The following GRID2 variants were observed in gnomAD, a reference collection of about 807,000 sequenced individuals.
GRID2 encodes the protein glutamate ionotropic receptor delta type subunit 2, also known as glutamate receptor ionotropic, delta-2.
A neutral mutation model predicts 114.8 loss-of-function variants in GRID2; 33 were observed. The observed-to-expected ratio is 0.29, with a 90% CI of 0.22 to 0.38. The LOEUF (loss-of-function observed/expected upper bound fraction) is 0.38, where lower values mean the gene tolerates loss of function less well. Among genes scored for constraint, GRID2 ranks in the 10% least tolerant of loss-of-function variants. GRID2 has a pLI of 1.00. For synonymous variants in GRID2, 505 were observed against 449.9 expected, an observed-to-expected ratio of 1.12 and a Z score of -1.55; for missense variants, 1,184 against 1,257.7, an observed-to-expected ratio of 0.94 and a Z score of 0.89.
At chr4:92,948,672 AT>A (rs1264376325) in intron 2 of GRID2, among the ~76,000 whole-genome samples, 1 of 151,896 alleles carries the variant, frequency 6.6e-6, no homozygotes. Context: ...AACGTTCTTA[AT>A]TTTTTAGGGA....
At chr4:93,769,147 G>T (rs1192646689) in intron 14 of GRID2, 63 bp from the exon 15 acceptor site, 3 of 1,534,152 alleles carry the variant, frequency 2.0e-6, no homozygotes, top group East Asian at 4.5e-5. Flanking sequence ...ATAAATGGAT[G>T]TGTTGTGAAC....
chr4:93,330,625 C>T (rs935107694), intron 8 of GRID2, among the ~76,000 whole-genome samples: 17 of 151,988 alleles, frequency 1.1e-4, no homozygotes. Flanking sequence ...CAGTTCTACC[C>T]TACTCTTCAA....
chr4:92,746,084 T>C (rs1265433919), intron 2 of GRID2, among the ~76,000 whole-genome samples: 1 of 152,126 alleles, frequency 6.6e-6, no homozygotes, highest in Non-Finnish European at 1.5e-5. Flanking sequence ...AGATCTAGTG[T>C]TTAGGTAGTA....
At chr4:92,772,411 G>A (rs963034467) in intron 2 of GRID2, among the ~76,000 whole-genome samples, 1 of 151,928 alleles carries the variant, frequency 6.6e-6, no homozygotes, top group South Asian at 2.1e-4. Flanking sequence ...TCTTCCTGCA[G>A]TTTATGGCGT....
chr4:93,416,601 G>C (rs533915610), intron 9 of GRID2, among the ~76,000 whole-genome samples: 1 of 152,114 alleles, frequency 6.6e-6, no homozygotes, highest in East Asian at 1.9e-4. Flanking sequence ...CTTGTAGCTT[G>C]TACCTATCAA....
At chr4:93,055,904 A>G (rs571116108) in intron 2 of GRID2, among the ~76,000 whole-genome samples, 1 of 152,046 alleles carries the variant, frequency 6.6e-6, no homozygotes, top group East Asian at 1.9e-4. Context: ...CCTTTCCAAT[A>G]GTATTATGAA....
At chr4:93,136,986 A>G (rs769310633) in intron 4 of GRID2, among the ~76,000 whole-genome samples, 1 of 152,214 alleles carries the variant, frequency 6.6e-6, no homozygotes, top group Non-Finnish European at 1.5e-5. Context: ...TTTATAATCT[A>G]AAGTTGTTGA....
chr4:92,731,130 T>C (rs1736309519), intron 2 of GRID2, among the ~76,000 whole-genome samples: 1 of 151,982 alleles, frequency 6.6e-6, no homozygotes, highest in Admixed American at 6.6e-5. Context: ...ATCTATTGTT[T>C]ACATTTAATA....
At position 92,738,349 on chromosome 4, in the gene GRID2, ACTTT is replaced by A. The variant is rs557793226; in HGVS notation, c.244+148064_244+148067del. ...ACTTGTTTCTGAGGTGAATAAGCTA[ACTTT>A]TAGCTTATTCGCCCCAGAAAAAGTC... On this transcript the variant is annotated intron_variant, in intron 2 of 15. Coordinates refer to ENST00000282020, the MANE Select transcript of GRID2 (RefSeq NM_001510.4). 1.7e-3 allele frequency among the ~76,000 whole-genome samples: 255 copies of A among 152,246 alleles called. 1 individual carries two copies. The highest frequency in any genetic ancestry group is 2.8e-3 in the Non-Finnish European group (188 of 68,014).
intron 2 of GRID2, among the ~76,000 whole-genome samples, chr4:93,080,609 T>A (rs1249846884): frequency 6.6e-6 from 1 of 152,136 alleles, no homozygotes; most frequent in Non-Finnish European, 1.5e-5. Flanking sequence ...CTTTTGATTG[T>A]GATGCAGGGC....
intron 8 of GRID2, among the ~76,000 whole-genome samples, chr4:93,349,660 G>T (rs1056984429): frequency 6.6e-6 from 1 of 151,992 alleles, no homozygotes; most frequent in Non-Finnish European, 1.5e-5. Context: ...CTTATATATA[G>T]TATATGACTT....
intron 2 of GRID2, among the ~76,000 whole-genome samples, chr4:93,006,336 G>C (rs535745494): frequency 6.6e-6 from 1 of 152,026 alleles, no homozygotes; most frequent in South Asian, 2.1e-4. Context: ...ACCTAGCAGC[G>C]GCTGAGAGTG....
chr4:93,656,366 A>G (rs1722992652), intron 14 of GRID2, among the ~76,000 whole-genome samples: 2 of 152,044 alleles, frequency 1.3e-5, no homozygotes, highest in Admixed American at 6.5e-5. Context: ...AAGTGTAAAG[A>G]TTGGGGGACA....
chr4:93,631,678 G>A (rs979615239), intron 14 of GRID2, among the ~76,000 whole-genome samples: 30 of 152,230 alleles, frequency 2.0e-4, no homozygotes, highest in African/African-American at 5.8e-4. Context: ...ATAAATATAC[G>A]TGTGCATGTG....
At chr4:92,708,591 G>A (rs1339592536) in intron 2 of GRID2, among the ~76,000 whole-genome samples, 1 of 152,042 alleles carries the variant, frequency 6.6e-6, no homozygotes, top group Non-Finnish European at 1.5e-5. Flanking sequence ...AATTTTTTTG[G>A]AAATGTGACA....
At chr4:93,682,861 G>C (rs995132726) in intron 14 of GRID2, among the ~76,000 whole-genome samples, 14 of 151,266 alleles carry the variant, frequency 9.3e-5, no homozygotes, top group Admixed American at 5.9e-4. Context: ...GAGCACACCA[G>C]CATGGCACAT....
At chr4:93,277,655 G>T (rs1199502774) in intron 8 of GRID2, among the ~76,000 whole-genome samples, 1 of 151,714 alleles carries the variant, frequency 6.6e-6, no homozygotes, top group African/African-American at 2.4e-5. Flanking sequence ...TATTAGCTAA[G>T]TGTAAATATG....
intron 1 of GRID2, among the ~76,000 whole-genome samples, chr4:92,518,370 C>A (rs1252517113): frequency 6.6e-6 from 1 of 151,896 alleles, no homozygotes; most frequent in Admixed American, 6.6e-5. Context: ...TTAAACCTTA[C>A]AAGGAAAAGC....
At chr4:93,184,979 T>G (rs1560962342) in intron 4 of GRID2, among the ~76,000 whole-genome samples, 1 of 152,196 alleles carries the variant, frequency 6.6e-6, no homozygotes, top group Admixed American at 6.5e-5. Context: ...CTACCATGAG[T>G]AATTCAGTAT....
Sources: gnomAD v4.1 joint callset for allele counts (sites outside exome capture counted in the v4.1 genomes callset) on GRCh38, gnomAD v4.1.1 for gene constraint, MANE v1.5 for transcripts, NCBI Gene and HGNC (gene_info 2026-07-23, HGNC 2026-07-21) for gene names.